Variants in ANAPC4 observed in about 807,000 individuals in gnomAD.
ANAPC4 encodes anaphase promoting complex subunit 4, also known as anaphase-promoting complex subunit 4.
In ANAPC4, 63 loss-of-function variants were observed where a neutral mutation model predicts 119.8. That is an observed-to-expected ratio of 0.53 (90% confidence interval 0.43 to 0.65). The LOEUF is 0.65. ANAPC4 is among the 30% of genes least tolerant of loss of function. The pLI is 0.00. For missense variants in ANAPC4, 716 were observed against 945.1 expected (o/e 0.76, Z 3.18); for synonymous variants, 283 against 318.6 (o/e 0.89, Z 1.19).
chr4:25,389,117 C>T (rs191800446), intron 7 of ANAPC4, among the ~76,000 whole-genome samples: 1,872 of 151,492 alleles, frequency 0.012, 46 homozygotes, highest in African/African-American at 0.043. Flanking sequence ...CAGCCTCCTC[C>T]GAGTAGCTGG....
At chr4:25,389,609 T>C (rs1722229386) in intron 7 of ANAPC4, among the ~76,000 whole-genome samples, 1 of 152,222 alleles carries the variant, frequency 6.6e-6, no homozygotes, top group African/African-American at 2.4e-5. Flanking sequence ...TTGACATTAA[T>C]ACCTTCAAAC....
At chr4:25,415,617 A>G in intron 26 of ANAPC4, 77 bp downstream of exon 26, 2 of 1,326,932 alleles carry the variant, frequency 1.5e-6, no homozygotes, top group East Asian at 4.7e-5. Context: ...GATCAGACTC[A>G]GTTACGGTGG....
intron 27 of ANAPC4, 133 bp from the exon 28 acceptor site, chr4:25,417,482 GT>G: frequency 1.1e-6 from 1 of 928,344 alleles, no homozygotes; most frequent in Non-Finnish European, 1.5e-6. Context: ...TAACACAACA[GT>G]TGCTAAAATT....
rs547977852 is a variant in ANAPC4 at position 25,402,714 on chromosome 4, A to G, written c.1215-257A>G. ...TGAGTCATAAGAAAGACTATTACAC[A>G]GTTTGTGGCAAGGCTCTTGTAACCA... is the stretch of plus-strand genomic sequence containing the variant. On this transcript the variant is annotated intron_variant, in intron 16 of 28. Coordinates refer to ENST00000315368, the MANE Select transcript of ANAPC4 (RefSeq NM_013367.3). Among the ~76,000 whole-genome samples, 3 of 152,330 alleles carry G rather than the reference A, an allele frequency of 2.0e-5. No individual in the cohort carries two copies. In the East Asian group the frequency reaches 5.8e-4, roughly 29 times the overall value.
intron 28 of ANAPC4, 37 bp downstream of exon 28, chr4:25,417,776 A>C: frequency 6.3e-7 from 1 of 1,579,298 alleles, no homozygotes; most frequent in Non-Finnish European, 8.6e-7. Context: ...CTAAGAAATT[A>C]CAAGAAGTAA....
In ANAPC4 at chr4:25,395,043, G is replaced by T. The variant is rs1035505362; in HGVS notation, c.1061+138G>T. On this transcript the variant is annotated intron_variant, in intron 14 of 28. Transcript: ENST00000315368. ...AAAATTGTTGCATGGCATTTGAGAA[G>T]AATCTTCCTATACCCAAGATTGAAA... 4.7e-6 allele frequency: 3 copies of T among 638,576 alleles called. No individual in the cohort carries two copies. The Admixed American group carries it at 9.8e-5, about 21-fold the overall frequency. 39.6% of individuals were successfully genotyped at this position (638,576 alleles called of 1,614,324 possible). A position where few individuals can be genotyped will look rare whatever the true frequency, so the allele number is the denominator to read the frequency against.
intron 9 of ANAPC4, among the ~76,000 whole-genome samples, chr4:25,391,944 T>A (rs1722368371): frequency 6.6e-6 from 1 of 152,272 alleles, no homozygotes; most frequent in Non-Finnish European, 1.5e-5. Context: ...TAACAGATCA[T>A]TTTTAATGAC....
At chr4:25,413,829 A>C in intron 22 of ANAPC4, 87 bp downstream of exon 22, 1 of 1,035,988 alleles carries the variant, frequency 9.7e-7, no homozygotes, top group South Asian at 1.6e-5. Flanking sequence ...CTTAATTTTT[A>C]GAATGAACTA....
At chr4:25,413,840 T>A in intron 22 of ANAPC4, 98 bp downstream of exon 22, 1 of 942,104 alleles carries the variant, frequency 1.1e-6, no homozygotes. Flanking sequence ...GAATGAACTA[T>A]GAAAATGTTG....
At chr4:25,378,589 A>G (rs147663322) in intron 2 of ANAPC4, among the ~76,000 whole-genome samples, 41 of 152,358 alleles carry the variant, frequency 2.7e-4, no homozygotes, top group African/African-American at 9.9e-4. Flanking sequence ...TAGGCGTGAT[A>G]GAGGGCACTG....
chr4:25,382,143 A>G (rs185442389), intron 3 of ANAPC4, among the ~76,000 whole-genome samples: 4 of 151,956 alleles, frequency 2.6e-5, no homozygotes, highest in Non-Finnish European at 4.4e-5. Flanking sequence ...ACTTTTTCCC[A>G]TGTCAGTGTG....
intron 21 of ANAPC4, among the ~76,000 whole-genome samples, chr4:25,412,562 G>A (rs374392808): frequency 1.3e-5 from 2 of 151,942 alleles, no homozygotes; most frequent in Non-Finnish European, 2.9e-5. Flanking sequence ...TCAGGAGTTC[G>A]AGACCTGACC....
intron 28 of ANAPC4, 39 bp downstream of exon 28, chr4:25,417,778 A>G (rs112475332): frequency 6.3e-7 from 1 of 1,579,518 alleles, no homozygotes; most frequent in Non-Finnish European, 8.6e-7. Flanking sequence ...AAGAAATTAC[A>G]AGAAGTAACG....
At chr4:25,414,255 T>A in intron 22 of ANAPC4, 69 bp from the exon 23 acceptor site, 1 of 1,117,176 alleles carries the variant, frequency 9.0e-7, no homozygotes, top group Non-Finnish European at 1.3e-6. Context: ...TGATGGTCAG[T>A]CACTTTCTGT....
chr4:25,388,989 G>GT (rs879064975), intron 7 of ANAPC4, 107 bp downstream of exon 7: 1 of 1,011,016 alleles, frequency 9.9e-7, no homozygotes, highest in South Asian at 1.6e-5. Flanking sequence ...TTATTTCATT[G>GT]TTTTTTGTTT....
chr4:25,380,666 C>T, intron 3 of ANAPC4, 187 bp downstream of exon 3: 1 of 413,332 alleles, frequency 2.4e-6, no homozygotes, highest in Non-Finnish European at 4.2e-6. Flanking sequence ...TATCTTGTTT[C>T]TTGGCAAAGA....
intron 20 of ANAPC4, among the ~76,000 whole-genome samples, chr4:25,408,106 C>T (rs1001700531): frequency 8.5e-5 from 13 of 152,204 alleles, no homozygotes; most frequent in Non-Finnish European, 1.5e-4. Context: ...TATGTTGTTT[C>T]TATAGTATCA....
Position 25,390,179 on chromosome 4 carries a change from CT to C in ANAPC4, c.562del (p.Tyr188MetfsTer27). On this transcript the variant is annotated frameshift_variant, in exon 8 of 29. Transcript: ENST00000315368. LOFTEE classifies it high-confidence loss of function. ...TGGAGGAAGCTCTGGATTTATTGAG[CT>C]TTATGCTTATGGAATGTTTAAAATT... ...VLGGSSGFIE[L>X]YAYGMFKIAR... is the part of the protein sequence containing the mutation. The C allele has an allele frequency of 6.2e-7, 1 of 1,613,126 alleles. No individual in the cohort carries two copies. The highest frequency in any genetic ancestry group is 8.5e-7 in the Non-Finnish European group (1 of 1,179,590).
intron 4 of ANAPC4, among the ~76,000 whole-genome samples, chr4:25,385,670 G>A (rs944351600): frequency 2.6e-5 from 4 of 152,194 alleles, no homozygotes; most frequent in Non-Finnish European, 5.9e-5. Context: ...TTGGAGGACT[G>A]GCAAAAGAAG....
Sources: allele counts gnomAD v4.1 joint callset (sites outside exome capture counted in the v4.1 genomes callset), GRCh38; gene constraint gnomAD v4.1.1; transcripts MANE v1.5; gene names NCBI Gene and HGNC (gene_info 2026-07-23, HGNC 2026-07-21).